Variants in TEX29 observed in about 807,000 individuals in gnomAD.
The protein encoded by TEX29 is testis expressed 29, also known as testis-expressed protein 29.
TEX29 carries 26 observed loss-of-function variants against 18.2 expected under a neutral mutation model. That is an observed-to-expected ratio of 1.43 (90% CI 1.04 to 1.98). The LOEUF is 1.98. Ranked by LOEUF, TEX29 falls within the 30% of genes most tolerant of loss-of-function variation. TEX29 has a pLI of 0.00. For synonymous variants in TEX29, 83 were observed against 78.5 expected (o/e 1.06, Z -0.31); for missense variants, 177 against 194.2 (o/e 0.91, Z 0.53).
At chr13:111,330,129 GA>G (rs68031323) in intron 3 of TEX29, among the ~76,000 whole-genome samples, 4,816 of 151,332 alleles carry the variant, frequency 0.032, 136 homozygotes, top group African/African-American at 0.072. Context: ...AGAGAAAAAG[GA>G]AAAAAAAAGT....
intron 4 of TEX29, among the ~76,000 whole-genome samples, 188 bp from the exon 5 acceptor site, chr13:111,342,568 A>G (rs1420304845): frequency 6.6e-6 from 1 of 151,600 alleles, no homozygotes; most frequent in Non-Finnish European, 1.5e-5. Flanking sequence ...AAAAAAAAAA[A>G]AAAAAAAAAG....
chr13:111,339,800 C>G, intron 3 of TEX29, 63 bp from the exon 4 acceptor site: 8 of 1,576,650 alleles, frequency 5.1e-6, no homozygotes, highest in Non-Finnish European at 6.1e-6. Context: ...GTTGCCTTTT[C>G]TTCATCTTCT....
chr13:111,329,526 TAGTGACTGATGGGAATG>T (rs977081980), intron 3 of TEX29, among the ~76,000 whole-genome samples: 1 of 151,522 alleles, frequency 6.6e-6, no homozygotes, highest in African/African-American at 2.4e-5. Flanking sequence ...CGGGAAACGT[TAGTGACTGATGGGAATG>T]AGTGACTGAT....
chr13:111,344,164 A>G lies in TEX29; in HGVS notation c.*41A>G, dbSNP rs2153642277. The G allele has an allele frequency of 1.3e-6, 2 of 1,560,600 alleles. No homozygotes were observed. The highest frequency in any genetic ancestry group is 4.5e-5 in the East Asian group (2 of 44,618). On this transcript the variant is annotated 3_prime_UTR_variant, in exon 6 of 6. Transcript: ENST00000283547. ...AAGTGGAGATTGTCAGAATTATCCA[A>G]ATGAAATGGTACAGCAGGTGCACTG...
chr13:111,341,723 A>C (rs71442820), intron 4 of TEX29, among the ~76,000 whole-genome samples: 3,741 of 113,824 alleles, frequency 0.033, 4 homozygotes, highest in Middle Eastern at 0.065. Context: ...TGTTGATGAA[A>C]ATCATAACCC....
At chr13:111,320,406 C>T (rs1049401422), upstream of TEX29, among the ~76,000 whole-genome samples, 2 of 152,294 alleles carry the variant, frequency 1.3e-5, no homozygotes, top group East Asian at 1.9e-4. Flanking sequence ...GGGCAAGGGG[C>T]GGGGGTATCC....
chr13:111,319,376 A>G (rs1367170043), upstream of TEX29, among the ~76,000 whole-genome samples: 23 of 152,322 alleles, frequency 1.5e-4, no homozygotes, highest in East Asian at 1.9e-3. Flanking sequence ...GCAGTGGGAT[A>G]TTATTCAGTC....
intron 3 of TEX29, among the ~76,000 whole-genome samples, chr13:111,338,128 T>G (rs1476207760): frequency 1.3e-5 from 2 of 152,154 alleles, no homozygotes; most frequent in Non-Finnish European, 2.9e-5. Context: ...GCGGCCTTGC[T>G]TCTGGGGTGG....
intron 3 of TEX29, among the ~76,000 whole-genome samples, chr13:111,328,667 G>T (rs2093678007): frequency 6.6e-6 from 1 of 152,200 alleles, no homozygotes; most frequent in Non-Finnish European, 1.5e-5. Flanking sequence ...CGGGCCAGTG[G>T]CCGGGTGTGG....
chr13:111,328,377 C>A, intron 3 of TEX29, 84 bp downstream of exon 3: 2 of 910,722 alleles, frequency 2.2e-6, no homozygotes, highest in Non-Finnish European at 3.6e-6. Context: ...GTCTCCCTTC[C>A]TCGGGGTCTC....
chr13:111,320,995 T>TTG (rs374780304), intron 2 of TEX29, 47 bp downstream of exon 2: 4 of 322,192 alleles, frequency 1.2e-5, no homozygotes, highest in East Asian at 1.5e-4. Flanking sequence ...GGGGAGCAGT[T>TTG]GGGGGGGGGC....
chr13:111,338,542 C>G (rs1038099973), intron 3 of TEX29, among the ~76,000 whole-genome samples: 4 of 152,164 alleles, frequency 2.6e-5, no homozygotes, highest in Non-Finnish European at 5.9e-5. Context: ...AACTGACACA[C>G]CATCCAGGGA....
In TEX29 at chr13:111,342,873, GAGTCCTGGGCCTCCA is replaced by G; in HGVS notation, c.361_375del (p.Pro121_Ser125del). 1 of 1,614,194 alleles carries G rather than the reference GAGTCCTGGGCCTCCA, an allele frequency of 6.2e-7. No individual in the cohort carries two copies. The highest frequency in any genetic ancestry group is 1.1e-5 in the South Asian group (1 of 91,088). On this transcript the variant is annotated inframe_deletion, in exon 5 of 6. Transcript: ENST00000283547. ...GCAGCAAGTTAGGGCTGAAGCCTGC[GAGTCCTGGGCCTCCA>G]AGTGCTGGGCCCTCGATGAAGAGTG...
chr13:111,327,672 ACCTC>A (rs2093676294), intron 2 of TEX29, among the ~76,000 whole-genome samples: 1 of 151,516 alleles, frequency 6.6e-6, no homozygotes, highest in Admixed American at 6.6e-5. Flanking sequence ...TGCTTCCTTT[ACCTC>A]CCACGGCGCG....
chr13:111,316,874 A>G (rs1567154527), upstream of TEX29, among the ~76,000 whole-genome samples: 1 of 152,166 alleles, frequency 6.6e-6, no homozygotes, highest in African/African-American at 2.4e-5. Context: ...GAAACTTACA[A>G]TCATGGCAGA....
At chr13:111,320,125 T>G (rs1189031410), upstream of TEX29, among the ~76,000 whole-genome samples, 1 of 152,110 alleles carries the variant, frequency 6.6e-6, no homozygotes, top group African/African-American at 2.4e-5. Context: ...CAGACACACC[T>G]TCCTCCCTGG....
At chr13:111,328,749 C>T (rs1490781405) in intron 3 of TEX29, among the ~76,000 whole-genome samples, 1 of 152,132 alleles carries the variant, frequency 6.6e-6, no homozygotes, top group African/African-American at 2.4e-5. Flanking sequence ...CTGGGGATTC[C>T]GTGGGCTGCT....
chr13:111,328,911 G>T (rs545396957), intron 3 of TEX29, among the ~76,000 whole-genome samples: 1 of 152,218 alleles, frequency 6.6e-6, no homozygotes, highest in Non-Finnish European at 1.5e-5. Context: ...CTTCCGGAGG[G>T]AGGCGCGCCC....
chr13:111,320,489 G>C (rs2093662049), upstream of TEX29, among the ~76,000 whole-genome samples: 1 of 152,208 alleles, frequency 6.6e-6, no homozygotes. Flanking sequence ...CCCTACATCT[G>C]TTCATCTGAG....
Sources: gnomAD v4.1 joint callset for allele counts (sites outside exome capture counted in the v4.1 genomes callset) on GRCh38, gnomAD v4.1.1 for gene constraint, MANE v1.5 for transcripts, NCBI Gene and HGNC (gene_info 2026-07-23, HGNC 2026-07-21) for gene names.